The following CARS1 variants were observed in gnomAD, a reference collection of about 807,000 sequenced individuals.
CARS1 encodes the protein cysteine--tRNA ligase, cytoplasmic.
A neutral mutation model predicts 106.2 loss-of-function variants in CARS1; 48 were observed. The ratio of observed to expected loss-of-function variants is 0.45; its 90% CI spans 0.36 to 0.57. The LOEUF (loss-of-function observed/expected upper bound fraction) is 0.57, where lower values mean the gene tolerates loss of function less well. Among genes scored for constraint, CARS1 ranks in the 20% least tolerant of loss-of-function variants. CARS1 has a pLI of 0.00. For missense variants in CARS1, 968 were observed against 1,057.2 expected (o/e 0.92, Z 1.17); for synonymous variants, 409 against 403.4 (o/e 1.01, Z -0.17).
At position 3,010,563 on chromosome 11, in the gene CARS1, C is replaced by T. The variant is rs1850351924; in HGVS notation, c.2068+1632G>A. Among the ~76,000 whole-genome samples, 4 of 152,240 alleles carry T rather than the reference C, an allele frequency of 2.6e-5. No homozygotes were observed. In the South Asian group the frequency reaches 8.3e-4, roughly 31 times the overall value. ...GTGGTCAGGGCAAGTGCGCCCACCG[C>T]TGCCTGTTAGGGGCTCAGTCAGGCC... On this transcript the variant is annotated intron_variant, in intron 18 of 22. Coordinates refer to ENST00000380525, the MANE Select transcript of CARS1 (RefSeq NM_001014437.3).
chr11:3,001,954 A>G lies in CARS1; in HGVS notation c.2361+16T>C. On this transcript the variant is annotated intron_variant, in intron 22 of 22. Transcript: ENST00000380525. ...ATCAAGTTCTGAATAGAAGAGAAGG[A>G]TGCTTACATGCTTACATTTTCATCA... is the stretch of plus-strand genomic sequence containing the variant. 1 of 1,576,754 alleles carries G rather than the reference A, an allele frequency of 6.3e-7. No individual in the cohort carries two copies. The highest frequency in any genetic ancestry group is 8.7e-7 in the Non-Finnish European group (1 of 1,146,060).
At position 3,008,035 on chromosome 11, in the gene CARS1, T is replaced by G. The variant is rs1406532804; in HGVS notation, c.2069-1076A>C. On this transcript the variant is annotated intron_variant, in intron 18 of 22. Transcript: ENST00000380525. This position sits in a 1 kb window ranked among gnomAD's most constrained non-coding sequence, Gnocchi z 5.1. Reference sequence around the variant, plus strand: ...GCTTGCTGCTCTCCAAGTGACAACTTTCTGCTCTGAAATCTGACCTTGGGT... The same window carrying G: ...GCTTGCTGCTCTCCAAGTGACAACTGTCTGCTCTGAAATCTGACCTTGGGT... 6.6e-6 allele frequency: 1 copy of G among 152,278 alleles called. No individual in the cohort carries two copies. The highest frequency in any genetic ancestry group is 1.5e-5 in the Non-Finnish European group (1 of 68,078). The allele number at this position is 152,278 out of a possible 1,614,324, so 9.4% of individuals were successfully genotyped here.
chr11:3,004,399 T>C lies in CARS1; in HGVS notation c.2217+967A>G, dbSNP rs989664367. On this transcript the variant is annotated intron_variant, in intron 20 of 22. Transcript: ENST00000380525. The surrounding 1 kb of genome is among the most constrained non-coding windows in gnomAD (Gnocchi z 5.2). ...TCCCTGACCTTGTACATCCCATCTA[T>C]CAATCAACCACCCTGTCGATTCTCC... Among the ~76,000 whole-genome samples, 1 of 152,198 alleles carries C rather than the reference T, an allele frequency of 6.6e-6. No individual in the cohort carries two copies. The highest frequency in any genetic ancestry group is 1.5e-5 in the Non-Finnish European group (1 of 68,022).
intron 1 of CARS1, 146 bp downstream of exon 1, chr11:3,057,197 G>T: frequency 1.4e-6 from 1 of 700,558 alleles, no homozygotes; most frequent in Non-Finnish European, 2.4e-6. Context: ...GGGCACTGCC[G>T]CCCCTCAGAC....
intron 1 of CARS1, among the ~76,000 whole-genome samples, chr11:3,051,952 C>T (rs1383439657): frequency 6.6e-6 from 1 of 152,242 alleles, no homozygotes; most frequent in Non-Finnish European, 1.5e-5. Context: ...GCCTCTCACA[C>T]TCAGAATGGA....
chr11:3,012,365 C>T, intron 17 of CARS1, 89 bp from the exon 18 acceptor site: 1 of 1,122,274 alleles, frequency 8.9e-7, no homozygotes, highest in East Asian at 2.4e-5. Flanking sequence ...CGACACAGGG[C>T]AGGGACTGGC....
chr11:3,047,695 A>G, intron 2 of CARS1, 58 bp downstream of exon 2: 12 of 1,547,710 alleles, frequency 7.8e-6, no homozygotes, highest in Non-Finnish European at 1.0e-5. Flanking sequence ...GTGATGGAGA[A>G]AGCCCTTGAC....
chr11:3,018,720 C>T lies in CARS1; in HGVS notation c.1425G>A (p.Arg475=), dbSNP rs764222974. The change falls in exon 13 of 23, where the codon AGG becomes AGA. Residue 475 remains arginine, a synonymous_variant. Transcript: ENST00000380525. ...TCAGGTGGCCTGTGTGCAGGAAGTA[C>T]CTGACCCAGCAGTCGTTTTCAAAGT... is the stretch of plus-strand genomic sequence containing the variant. ...EAYFENDCWV[R]YFLHTGHLTI... 1.9e-6 allele frequency: 3 copies of T among 1,614,074 alleles called. No individual in the cohort carries two copies. In the South Asian group the frequency reaches 3.3e-5, roughly 18 times the overall value.
Position 3,029,095 on chromosome 11 carries a change from C to T in CARS1, c.943-11G>A. ...ATCTGGAGGGAGAACCTGTGCAAGA[C>T]ATGAGAATGTCCTGGGATTTTCCCT... On this transcript the variant is annotated splice_polypyrimidine_tract_variant and intron_variant, in intron 8 of 22. Coordinates refer to ENST00000380525, the MANE Select transcript of CARS1 (RefSeq NM_001014437.3). The surrounding 1 kb of genome is among the most constrained non-coding windows in gnomAD (Gnocchi z 5.9). The T allele has an allele frequency of 6.3e-7, 1 of 1,595,890 alleles. No individual in the cohort carries two copies. The highest frequency in any genetic ancestry group is 8.6e-7 in the Non-Finnish European group (1 of 1,163,306).
Position 3,053,098 on chromosome 11 carries a change from GCA to G in CARS1, c.25+4243_25+4244del, listed in dbSNP as rs1261007007. On this transcript the variant is annotated intron_variant, in intron 1 of 22. Coordinates refer to ENST00000380525, the MANE Select transcript of CARS1 (RefSeq NM_001014437.3). The surrounding 1 kb of genome is among the most constrained non-coding windows in gnomAD (Gnocchi z 6.6). ...CATGCAAGTACCAAGCAATTGCTCA[GCA>G]CAGATACCAAAACAAAGCCACACCA... 6.6e-6 allele frequency among the ~76,000 whole-genome samples: 1 copy of G among 152,186 alleles called. No homozygotes were observed. The highest frequency in any genetic ancestry group is 1.5e-5 in the Non-Finnish European group (1 of 68,036).
rs1209312277 is a variant in CARS1, at chr11:3,037,971, A to G, written c.801+79T>C. ...TCCACTAAGACAATCTGTGGAATCA[A>G]TCCGTGCACACAGATCAGTCTATGC... is the stretch of plus-strand genomic sequence containing the variant. On this transcript the variant is annotated intron_variant, in intron 7 of 22. Coordinates refer to ENST00000380525, the MANE Select transcript of CARS1 (RefSeq NM_001014437.3). This position sits in a 1 kb window ranked among gnomAD's most constrained non-coding sequence, Gnocchi z 5.9. The G allele has an allele frequency of 1.5e-6, 2 of 1,363,700 alleles. No homozygotes were observed. The highest frequency in any genetic ancestry group is 2.0e-6 in the Non-Finnish European group (2 of 986,892). 84.5% of individuals were successfully genotyped at this position (1,363,700 alleles called of 1,614,324 possible).
intron 1 of CARS1, chr11:3,054,736 T>C: frequency 1.6e-6 from 1 of 616,554 alleles, no homozygotes; most frequent in Non-Finnish European, 2.9e-6. Flanking sequence ...CTCAAAGGGG[T>C]TCCCCCAAGG....
rs552581737 is a variant in CARS1 at position 3,004,620 on chromosome 11, G to A, written c.2217+746C>T. On this transcript the variant is annotated intron_variant, in intron 20 of 22. Coordinates refer to ENST00000380525, the MANE Select transcript of CARS1 (RefSeq NM_001014437.3). The surrounding 1 kb of genome is among the most constrained non-coding windows in gnomAD (Gnocchi z 5.2). ...GCCTGCATCCCAGGGTACCCCATGC[G>A]CTGTGCCCAGAGATTCTGACATTGC... Among the ~76,000 whole-genome samples, 8 of 152,334 alleles carry A rather than the reference G, an allele frequency of 5.3e-5. No individual in the cohort carries two copies. The highest frequency in any genetic ancestry group is 3.9e-4 in the East Asian group (2 of 5,186).
chr11:3,038,213 G>A lies in CARS1; in HGVS notation c.652-14C>T, dbSNP rs1590485009. On this transcript the variant is annotated splice_polypyrimidine_tract_variant and intron_variant, in intron 6 of 22. Coordinates refer to ENST00000380525, the MANE Select transcript of CARS1 (RefSeq NM_001014437.3). The surrounding 1 kb of genome is among the most constrained non-coding windows in gnomAD (Gnocchi z 4.0). ...TACTGAAAATGGCTGCAACCATAAA[G>A]AGACGTCAAATCTATTAGATACTGC... 3 of 1,612,706 alleles carry A rather than the reference G, an allele frequency of 1.9e-6. No individual in the cohort carries two copies. In the Admixed American group the frequency reaches 5.0e-5, roughly 27 times the overall value.
intron 10 of CARS1, among the ~76,000 whole-genome samples, chr11:3,025,497 G>C (rs1479698496): frequency 6.6e-6 from 1 of 152,150 alleles, no homozygotes; most frequent in Non-Finnish European, 1.5e-5. Flanking sequence ...AAAAGTGCTG[G>C]GATTATAGGC....
At position 3,041,129 on chromosome 11, in the gene CARS1, TCA is replaced by T. The variant is rs1029489348; in HGVS notation, c.367-147_367-146del. 12 of 1,372,734 alleles carry T rather than the reference TCA, an allele frequency of 8.7e-6. No individual in the cohort carries two copies. The highest frequency in any genetic ancestry group is 5.8e-5 in the African/African-American group (4 of 68,508). 85.0% of individuals were successfully genotyped at this position (1,372,734 alleles called of 1,614,324 possible). ...GACCATTTTGTTTTACTGTGAAAAG[TCA>T]CAGTCTCAGTGGGAGCCCAGTGAGA... On this transcript the variant is annotated intron_variant, in intron 3 of 22. Coordinates refer to ENST00000380525, the MANE Select transcript of CARS1 (RefSeq NM_001014437.3). The surrounding 1 kb of genome is among the most constrained non-coding windows in gnomAD (Gnocchi z 4.9).
chr11:3,033,989 C>T lies in CARS1; in HGVS notation c.801+4061G>A, dbSNP rs1358721497. 3.9e-5 allele frequency among the ~76,000 whole-genome samples: 6 copies of T among 152,070 alleles called. 1 individual carries two copies. In the South Asian group the frequency reaches 1.0e-3, roughly 26 times the overall value. On this transcript the variant is annotated intron_variant, in intron 7 of 22. Coordinates refer to ENST00000380525, the MANE Select transcript of CARS1 (RefSeq NM_001014437.3). Reference sequence around the variant, plus strand: ...TAGAGATAGAGTCTCACTATGTTGTCCCGGCTGATCTCAAACTCCTGGGCT... The same window carrying T: ...TAGAGATAGAGTCTCACTATGTTGTTCCGGCTGATCTCAAACTCCTGGGCT...
In CARS1 at chr11:3,045,712, G is replaced by A. The variant is rs1277443486; in HGVS notation, c.274+2041C>T. ...TCCAACAGAGGTGGAAGGGCGAGCAGGAGGAGGGGCACATGGCCCACTGTG... is the reference window on the plus strand; with the variant it reads ...TCCAACAGAGGTGGAAGGGCGAGCAAGAGGAGGGGCACATGGCCCACTGTG... On this transcript the variant is annotated intron_variant, in intron 2 of 22. Transcript: ENST00000380525. This position sits in a 1 kb window ranked among gnomAD's most constrained non-coding sequence, Gnocchi z 5.6. Among the ~76,000 whole-genome samples, 1 of 152,218 alleles carries A rather than the reference G, an allele frequency of 6.6e-6. No individual in the cohort carries two copies. The highest frequency in any genetic ancestry group is 2.4e-5 in the African/African-American group (1 of 41,466).
At position 3,001,161 on chromosome 11, in the gene CARS1, G is replaced by C. The variant is rs763258683; in HGVS notation, c.2449C>G (p.Leu817Val). The C allele has an allele frequency of 1.2e-6, 2 of 1,614,008 alleles. No homozygotes were observed. Among genetic ancestry groups the C allele is most frequent in the South Asian group, 1.1e-5 (1 of 91,082 alleles). The change falls in exon 23 of 23, where the codon CTC becomes GTC. Residue 817 changes from leucine to valine, a missense_variant. Physicochemically the swap from Leu to Val is conservative, Grantham distance 32. Transcript: ENST00000380525. ...GCCATCTGCAGATATTCCTTGTAGA[G>C]CTTCTCCTGAGCCTCGAAGAGCTTC... is the stretch of plus-strand genomic sequence containing the variant. ...LKKLFEAQEKLYKEYLQMAQN... is the reference protein window; with the variant it reads ...LKKLFEAQEKVYKEYLQMAQN...
Sources: gnomAD v4.1 joint callset for allele counts (sites outside exome capture counted in the v4.1 genomes callset) on GRCh38, gnomAD v4.1.1 for gene constraint, Gnocchi (gnomAD v3.1) non-coding constraint, MANE v1.5 for transcripts, NCBI Gene and HGNC (gene_info 2026-07-23, HGNC 2026-07-21) for gene names.